Variants in CA7 observed in about 807,000 individuals in gnomAD.
CA7 encodes carbonate dehydratase VII.
In CA7, 13 loss-of-function variants were observed where a neutral mutation model predicts 31.4. The ratio of observed to expected loss-of-function variants is 0.41; its 90% confidence interval spans 0.27 to 0.66. The LOEUF (loss-of-function observed/expected upper bound fraction) is 0.66. Among genes scored for constraint, CA7 ranks in the 30% least tolerant of loss-of-function variants. CA7 has a pLI of 0.28. For missense variants in CA7, 215 were observed against 351.0 expected (o/e 0.61, Z 3.10); for synonymous variants, 128 against 133.2 (o/e 0.96, Z 0.27).
chr16:66,844,437 G>T lies in CA7; in HGVS notation c.-51G>T. ...GCGGGGCCGGAGCCGCAGCCCGAAC[G>T]AGCGGACCGAGCCGACCGGGCAGGT... On this transcript the variant is annotated 5_prime_UTR_variant, in exon 1 of 7. Transcript: ENST00000338437. 1 of 1,490,632 alleles carries T rather than the reference G, an allele frequency of 6.7e-7. No homozygotes were observed. The highest frequency in any genetic ancestry group is 9.0e-7 in the Non-Finnish European group (1 of 1,109,070). The allele number at this position is 1,490,632 out of a possible 1,614,324, so 92.3% of individuals were successfully genotyped here.
intron 1 of CA7, 49 bp from the exon 2 acceptor site, chr16:66,846,981 C>A: frequency 6.4e-7 from 1 of 1,552,248 alleles, no homozygotes; most frequent in Non-Finnish European, 8.9e-7. Context: ...CGGCCTGAAG[C>A]CCAGAGATCC....
chr16:66,845,343 G>A (rs1028817665), intron 1 of CA7: 1 of 543,844 alleles, frequency 1.8e-6, no homozygotes, highest in South Asian at 8.0e-5. Context: ...CTATTTCCCT[G>A]GGGAGCCAGT....
chr16:66,852,740 A>G lies in CA7; in HGVS notation c.545A>G (p.Asn182Ser), dbSNP rs756101666. 6.2e-7 allele frequency: 1 copy of G among 1,613,576 alleles called. No individual in the cohort carries two copies. Among genetic ancestry groups the G allele is most frequent in the African/African-American group, 1.3e-5 (1 of 74,866 alleles). Reference protein sequence around the residue: ...KGTKAQFSCFNPKCLLPASRH... With the variant: ...KGTKAQFSCFSPKCLLPASRH... The stretch of plus-strand genomic sequence containing the variant: ...ACCAAAGCCCAGTTCAGCTGCTTCA[A>G]CCCCAAGTGCCTCCTGCCTGCCAGC... The change falls in exon 6 of 7, where the codon AAC becomes AGC. Residue 182 changes from asparagine (N) to serine (S), a missense_variant. Asn to Ser is a conservative substitution (Grantham distance 46). Coordinates refer to ENST00000338437, the MANE Select transcript of CA7 (RefSeq NM_005182.3).
chr16:66,853,776 G>C lies in CA7; in HGVS notation c.*278G>C. 1 of 415,354 alleles carries C rather than the reference G, an allele frequency of 2.4e-6. No individual in the cohort carries two copies. 25.7% of individuals were successfully genotyped at this position (415,354 alleles called of 1,614,324 possible). ...CCAAAGACCCTGGGAACCTCCTCTG[G>C]TCTTCCCCACTGGCAGTGGCAGCAG... is the stretch of plus-strand genomic sequence containing the variant. On this transcript the variant is annotated 3_prime_UTR_variant, in exon 7 of 7. Coordinates refer to ENST00000338437, the MANE Select transcript of CA7 (RefSeq NM_005182.3). The surrounding 1 kb of genome is among the most constrained non-coding windows in gnomAD (Gnocchi z 4.5).
rs1321836485 is a variant in CA7, at chr16:66,853,609, C to T, written c.*111C>T. The T allele has an allele frequency of 3.5e-6, 5 of 1,444,846 alleles. No individual in the cohort carries two copies. The highest frequency in any genetic ancestry group is 4.7e-6 in the Non-Finnish European group (5 of 1,068,974). 89.5% of individuals were successfully genotyped at this position (1,444,846 alleles called of 1,614,324 possible). On this transcript the variant is annotated 3_prime_UTR_variant, in exon 7 of 7. Transcript: ENST00000338437. The surrounding 1 kb of genome is among the most constrained non-coding windows in gnomAD (Gnocchi z 4.5). ...TCCCTGGGGGGTGCTGGGGACCCTC[C>T]TTCAGCCAGTTTGCTCCTTGGTCAC... is the stretch of plus-strand genomic sequence containing the variant.
chr16:66,848,588 G>A (rs1344201618), intron 2 of CA7, among the ~76,000 whole-genome samples: 1 of 152,012 alleles, frequency 6.6e-6, no homozygotes, highest in African/African-American at 2.4e-5. Flanking sequence ...CAGGAAGCCA[G>A]TGAAAAGAGG....
At chr16:66,850,948 T>G (rs920333838) in intron 3 of CA7, among the ~76,000 whole-genome samples, 6 of 152,174 alleles carry the variant, frequency 3.9e-5, no homozygotes, top group Admixed American at 1.3e-4. Flanking sequence ...TATTCAAGAC[T>G]GTGCATGAAC....
At position 66,852,622 on chromosome 16, in the gene CA7, AAAAG is replaced by A. The variant is rs1040910884; in HGVS notation, c.517-80_517-77del. The A allele has an allele frequency of 3.6e-5, 32 of 879,292 alleles. No individual in the cohort carries two copies. The East Asian group carries it at 4.6e-4, about 13-fold the overall frequency. 54.5% of individuals were successfully genotyped at this position (879,292 alleles called of 1,614,324 possible). ...GAAAAGAAAAGAAAAAAGAAAAGAA[AAAAG>A]AAAGAAAGAGATGGGTGGAGAAGTT... On this transcript the variant is annotated intron_variant, in intron 5 of 6. Coordinates refer to ENST00000338437, the MANE Select transcript of CA7 (RefSeq NM_005182.3).
chr16:66,851,112 T>C (rs557408608), intron 3 of CA7, among the ~76,000 whole-genome samples: 1 of 152,242 alleles, frequency 6.6e-6, no homozygotes, highest in Non-Finnish European at 1.5e-5. Flanking sequence ...TTCCCTCTGA[T>C]AACCCTCTGC....
chr16:66,844,496 C>G lies in CA7; in HGVS notation c.9C>G (p.Gly3=), dbSNP rs768852832. 1.9e-6 allele frequency: 3 copies of G among 1,542,834 alleles called. No homozygotes were observed. In the African/African-American group the frequency reaches 4.2e-5, roughly 21 times the overall value. The part of the protein sequence containing the change: MT[G]HHGWGYGQDD... ...GCGGGGACGGCAGCGGCATGACCGGCCACCACGGCTGGGGCTACGGCCAGG... is the reference window on the plus strand; with the variant it reads ...GCGGGGACGGCAGCGGCATGACCGGGCACCACGGCTGGGGCTACGGCCAGG... The change falls in exon 1 of 7, where the codon GGC becomes GGG. Residue 3 remains glycine (G), a synonymous_variant. Coordinates refer to ENST00000338437, the MANE Select transcript of CA7 (RefSeq NM_005182.3).
intron 1 of CA7, chr16:66,844,947 G>T (rs1027650240): frequency 2.0e-6 from 2 of 1,005,754 alleles, no homozygotes; most frequent in African/African-American, 3.4e-5. Flanking sequence ...AGTGAGCGGG[G>T]ACCTCGGGGG....
At chr16:66,851,349 C>A in intron 3 of CA7, 114 bp from the exon 4 acceptor site, 1 of 900,618 alleles carries the variant, frequency 1.1e-6, no homozygotes, top group Non-Finnish European at 1.8e-6. Flanking sequence ...GGAGGCTTGA[C>A]AGCTTCCCCT....
intron 1 of CA7, chr16:66,845,054 G>C: frequency 1.1e-5 from 11 of 986,002 alleles, no homozygotes; most frequent in Non-Finnish European, 1.3e-5. Context: ...TGAGGGAAGG[G>C]GGCACTTGGG....
intron 5 of CA7, 140 bp from the exon 6 acceptor site, chr16:66,852,567 AAAAAG>A (rs1961082614): frequency 1.1e-5 from 6 of 553,858 alleles, no homozygotes; most frequent in East Asian, 1.0e-4. Context: ...AGAAAGAAAG[AAAAAG>A]AAAGAAAAGA....
chr16:66,851,608 G>C, intron 4 of CA7, 50 bp downstream of exon 4: 1 of 1,612,560 alleles, frequency 6.2e-7, no homozygotes, highest in Non-Finnish European at 8.5e-7. Flanking sequence ...GCCTGGCACT[G>C]CCCCTAGTTC....
At chr16:66,850,278 A>C (rs563111818) in intron 2 of CA7, among the ~76,000 whole-genome samples, 1 of 152,186 alleles carries the variant, frequency 6.6e-6, no homozygotes, top group East Asian at 1.9e-4. Flanking sequence ...CATCTCTACA[A>C]AAAATAAACA....
intron 2 of CA7, among the ~76,000 whole-genome samples, chr16:66,849,825 A>G (rs1202959114): frequency 6.6e-6 from 1 of 152,226 alleles, no homozygotes; most frequent in Non-Finnish European, 1.5e-5. Flanking sequence ...GGACCAACCC[A>G]AGCCCAGTCA....
rs760435149 is a variant in CA7, at chr16:66,844,535, C to A, written c.40+8C>A. The A allele has an allele frequency of 6.5e-7, 1 of 1,540,792 alleles. No individual in the cohort carries two copies. The highest frequency in any genetic ancestry group is 1.4e-5 in the African/African-American group (1 of 71,728). On this transcript the variant is annotated splice_region_variant and intron_variant, in intron 1 of 6. Transcript: ENST00000338437. ...GCTACGGCCAGGACGACGGTAGGCACAGACCTCCCCCACCGCCTCTGGCTC... is the reference window on the plus strand; with the variant it reads ...GCTACGGCCAGGACGACGGTAGGCAAAGACCTCCCCCACCGCCTCTGGCTC...
chr16:66,851,313 C>G, intron 3 of CA7, 150 bp from the exon 4 acceptor site: 1 of 740,600 alleles, frequency 1.4e-6, no homozygotes, highest in Non-Finnish European at 2.4e-6. Context: ...TGGGGCTCCC[C>G]TGGACCCCCC....
Sources: allele counts gnomAD v4.1 joint callset (sites outside exome capture counted in the v4.1 genomes callset), GRCh38; gene constraint gnomAD v4.1.1; non-coding constraint Gnocchi (gnomAD v3.1); transcripts MANE v1.5; gene names NCBI Gene and HGNC (gene_info 2026-07-23, HGNC 2026-07-21).